The following FSTL4 variants were observed in gnomAD, a reference collection of about 807,000 sequenced individuals.
FSTL4 encodes follistatin like 4, also known as follistatin-related protein 4.
A neutral mutation model predicts 78.2 loss-of-function variants in FSTL4; 28 were observed. The ratio of observed to expected loss-of-function variants is 0.36; its 90% CI spans 0.27 to 0.49. The LOEUF (loss-of-function observed/expected upper bound fraction) is 0.49. FSTL4 is among the 20% of genes least tolerant of loss of function. The probability of loss-of-function intolerance (pLI) is 0.98; values close to 1 mark genes in which losing one functional copy is unlikely to be tolerated. For synonymous variants in FSTL4, 422 were observed against 440.5 expected, an observed-to-expected ratio of 0.96 and a Z score of 0.53; for missense variants, 922 against 1,084.9, an observed-to-expected ratio of 0.85 and a Z score of 2.11.
At chr5:133,456,991 T>G (rs1561724322) in intron 3 of FSTL4, among the ~76,000 whole-genome samples, 1 of 152,092 alleles carries the variant, frequency 6.6e-6, no homozygotes, top group Admixed American at 6.5e-5. Context: ...AAAGACCTCA[T>G]GAAATATGAC....
At chr5:133,433,667 T>C (rs1756983791) in intron 3 of FSTL4, among the ~76,000 whole-genome samples, 1 of 152,062 alleles carries the variant, frequency 6.6e-6, no homozygotes, top group African/African-American at 2.4e-5. Context: ...GTGCAGACAA[T>C]TAAAATACAT....
At chr5:133,271,969 C>G (rs566979848) in intron 6 of FSTL4, among the ~76,000 whole-genome samples, 53 of 152,282 alleles carry the variant, frequency 3.5e-4, no homozygotes, top group African/African-American at 1.3e-3. Context: ...TGAAGAGCAG[C>G]CAGCTTTGAC....
At chr5:133,572,631 A>C (rs1393477102) in intron 2 of FSTL4, among the ~76,000 whole-genome samples, 1 of 152,230 alleles carries the variant, frequency 6.6e-6, no homozygotes, top group African/African-American at 2.4e-5. Context: ...CATTAAAAAA[A>C]CCATAAAAAT....
chr5:133,423,677 T>C (rs1756746469), intron 3 of FSTL4, among the ~76,000 whole-genome samples: 1 of 152,204 alleles, frequency 6.6e-6, no homozygotes, highest in Non-Finnish European at 1.5e-5. Context: ...ATGGTGGTGG[T>C]TGATGGCAGT....
intron 3 of FSTL4, among the ~76,000 whole-genome samples, chr5:133,526,837 G>A (rs1759111565): frequency 6.6e-6 from 1 of 152,176 alleles, no homozygotes; most frequent in Non-Finnish European, 1.5e-5. Flanking sequence ...GGACCAACAG[G>A]AGCTGGTGAA....
chr5:133,792,313 A>G, the FSTL4 span, among the ~76,000 whole-genome samples: 9 of 152,334 alleles, frequency 5.9e-5, no homozygotes, highest in South Asian at 1.7e-3. Flanking sequence ...TACATTTGCT[A>G]TGAACATGGG....
chr5:133,676,521 C>T, the FSTL4 span, among the ~76,000 whole-genome samples: 1 of 152,006 alleles, frequency 6.6e-6, no homozygotes, highest in Admixed American at 6.5e-5. Context: ...TTTTCTTTTT[C>T]TTAGAATAGC....
At chr5:133,626,800 C>T in the FSTL4 span, among the ~76,000 whole-genome samples, 1 of 151,988 alleles carries the variant, frequency 6.6e-6, no homozygotes, top group African/African-American at 2.4e-5. Flanking sequence ...TTTTATGGCC[C>T]AGTATATGGT....
chr5:133,641,730 C>T, the FSTL4 span, among the ~76,000 whole-genome samples: 2 of 152,248 alleles, frequency 1.3e-5, no homozygotes, highest in East Asian at 1.9e-4. Context: ...TATATGCATA[C>T]AATGAAATAC....
intron 3 of FSTL4, among the ~76,000 whole-genome samples, chr5:133,463,546 T>C (rs1757637528): frequency 6.6e-6 from 1 of 152,262 alleles, no homozygotes; most frequent in South Asian, 2.1e-4. Flanking sequence ...GTTTCTTCTC[T>C]GGGGTGCAAA....
At chr5:133,666,943 A>AC in the FSTL4 span, among the ~76,000 whole-genome samples, 1 of 152,194 alleles carries the variant, frequency 6.6e-6, no homozygotes, top group Non-Finnish European at 1.5e-5. Flanking sequence ...CTGGCTATAA[A>AC]CACCATCAAA....
intron 6 of FSTL4, among the ~76,000 whole-genome samples, chr5:133,303,608 C>G (rs1753597082): frequency 6.6e-6 from 1 of 152,218 alleles, no homozygotes; most frequent in South Asian, 2.1e-4. Flanking sequence ...CCACCACTCC[C>G]TAACCCCAGG....
At chr5:133,603,139 C>T (rs1580816483) in intron 2 of FSTL4, among the ~76,000 whole-genome samples, 1 of 152,160 alleles carries the variant, frequency 6.6e-6, no homozygotes, top group Non-Finnish European at 1.5e-5. Flanking sequence ...AGAGTCAGCA[C>T]ACACAAAGCA....
At chr5:133,401,747 A>G (rs1021287915) in intron 3 of FSTL4, among the ~76,000 whole-genome samples, 1 of 152,084 alleles carries the variant, frequency 6.6e-6, no homozygotes, top group Non-Finnish European at 1.5e-5. Flanking sequence ...AAAGGAGAGA[A>G]AGGTTTTCCC....
chr5:133,422,067 G>A (rs537976196), intron 3 of FSTL4, among the ~76,000 whole-genome samples: 3 of 152,294 alleles, frequency 2.0e-5, no homozygotes, highest in East Asian at 1.9e-4. Flanking sequence ...AGTCCAGACC[G>A]AGTGCCAAGT....
At chr5:133,401,341 C>T (rs969883145) in intron 3 of FSTL4, among the ~76,000 whole-genome samples, 2 of 152,236 alleles carry the variant, frequency 1.3e-5, no homozygotes, top group African/African-American at 4.8e-5. Flanking sequence ...AAACACCCAG[C>T]TATTCCGTGC....
At chr5:133,424,592 C>G (rs982648505) in intron 3 of FSTL4, among the ~76,000 whole-genome samples, 4 of 152,160 alleles carry the variant, frequency 2.6e-5, no homozygotes, top group Non-Finnish European at 4.4e-5. Context: ...GTTGGTGACA[C>G]TCAAGCACTA....
At chr5:133,633,460 AT>A in the FSTL4 span, among the ~76,000 whole-genome samples, 2 of 151,822 alleles carry the variant, frequency 1.3e-5, no homozygotes, top group Non-Finnish European at 2.9e-5. Flanking sequence ...TTACATTTTT[AT>A]TTGGTCCTTC....
At chr5:133,358,901 C>A (rs1755005599) in intron 4 of FSTL4, among the ~76,000 whole-genome samples, 1 of 152,164 alleles carries the variant, frequency 6.6e-6, no homozygotes, top group Admixed American at 6.5e-5. Context: ...CACATACTCC[C>A]TGAAGACAAA....
Sources: gnomAD v4.1 joint callset for allele counts (sites outside exome capture counted in the v4.1 genomes callset) on GRCh38, gnomAD v4.1.1 for gene constraint, MANE v1.5 for transcripts, NCBI Gene and HGNC (gene_info 2026-07-23, HGNC 2026-07-21) for gene names.